PRORP: variants seen among roughly 807,000 people sequenced by gnomAD.
The protein encoded by PRORP is protein only RNase P catalytic subunit.
PRORP carries 51 observed loss-of-function variants against 59.4 expected under a neutral mutation model. That is an observed-to-expected ratio of 0.86 (90% CI 0.69 to 1.08). The LOEUF (loss-of-function observed/expected upper bound fraction) is 1.08, where lower values mean the gene tolerates loss of function less well. Among genes scored for constraint, PRORP ranks in the 50% least tolerant of loss-of-function variants. The probability of loss-of-function intolerance (pLI) is 0.00; values close to 1 mark genes in which losing one functional copy is unlikely to be tolerated. For missense variants in PRORP, 646 were observed against 690.3 expected (o/e 0.94, Z 0.72); for synonymous variants, 231 against 245.6 (o/e 0.94, Z 0.55).
intron 5 of PRORP, among the ~76,000 whole-genome samples, chr14:35,253,352 A>G (rs998645511): frequency 4.7e-5 from 7 of 150,382 alleles, no homozygotes; most frequent in African/African-American, 1.5e-4. Flanking sequence ...AAAGAGAGAG[A>G]GAGAGAAAGA....
chr14:35,154,157 C>T (rs142568716), intron 4 of PRORP, among the ~76,000 whole-genome samples: 7 of 152,232 alleles, frequency 4.6e-5, no homozygotes, highest in African/African-American at 1.7e-4. Context: ...TAGATAAGGT[C>T]AGCTTTTCCT....
chr14:35,155,173 G>A (rs574098902), intron 4 of PRORP, among the ~76,000 whole-genome samples: 3 of 152,118 alleles, frequency 2.0e-5, no homozygotes, highest in Admixed American at 6.5e-5. Context: ...GATTACAGGC[G>A]TGAGCCACCA....
In PRORP at chr14:35,145,741, GA is replaced by G. The variant is rs1367417763; in HGVS notation, c.1167+18132del. ...CTCAAAAAAGAAAGAAAGAAGGAAGGAAGGAAGGAAGGAAGGAAACAGCCCA... is the reference window on the plus strand; with the variant it reads ...CTCAAAAAAGAAAGAAAGAAGGAAGGAGGAAGGAAGGAAGGAAACAGCCCA... On this transcript the variant is annotated intron_variant, in intron 4 of 7. Coordinates refer to ENST00000534898, the MANE Select transcript of PRORP (RefSeq NM_014672.4). Among the ~76,000 whole-genome samples, 2 of 110,986 alleles carry G rather than the reference GA, an allele frequency of 1.8e-5. 1 individual carries two copies. Among genetic ancestry groups the G allele is most frequent in the Non-Finnish European group, 3.8e-5 (2 of 52,116 alleles). 72.8% of individuals were successfully genotyped at this position (110,986 alleles called of 152,430 possible). A position where few individuals can be genotyped will look rare whatever the true frequency, so the allele number is the denominator to read the frequency against.
Position 35,266,831 on chromosome 14 carries a change from G to A in PRORP, c.1380G>A (p.Met460Ile), listed in dbSNP as rs777700979. The A allele has an allele frequency of 2.0e-5, 32 of 1,614,034 alleles. No homozygotes were observed. In the African/African-American group the frequency reaches 2.4e-4, roughly 12 times the overall value. ...GTTCCCAGTGGAGTCGGGATGAGAT[G>A]GAAGAGGTGCAAAAGCAAGCCAGCT... is the stretch of plus-strand genomic sequence containing the variant. Reference protein sequence around the residue: ...RRSSQWSRDEMEEVQKQASCF... With the variant: ...RRSSQWSRDEIEEVQKQASCF... The change falls in exon 6 of 8, where the codon ATG becomes ATA. Residue 460 changes from methionine (M) to isoleucine (I), a missense_variant. By Grantham distance (10) the Met-to-Ile change is conservative (BLOSUM62 1). Transcript: ENST00000534898.
chr14:35,153,564 C>G (rs898472311), intron 4 of PRORP, among the ~76,000 whole-genome samples: 1 of 152,150 alleles, frequency 6.6e-6, no homozygotes, highest in African/African-American at 2.4e-5. Flanking sequence ...AATATGAGTT[C>G]TATTCATTAA....
At chr14:35,206,524 T>G (rs1405731169) in intron 5 of PRORP, among the ~76,000 whole-genome samples, 2 of 152,240 alleles carry the variant, frequency 1.3e-5, no homozygotes, top group Admixed American at 1.3e-4. Flanking sequence ...TACAGCTTTA[T>G]ATTCCCACCA....
intron 5 of PRORP, among the ~76,000 whole-genome samples, chr14:35,193,619 T>C (rs898603246): frequency 6.6e-6 from 1 of 150,968 alleles, no homozygotes; most frequent in Non-Finnish European, 1.5e-5. Context: ...TTTGTGTGTA[T>C]ATAATCCCGG....
chr14:35,198,697 A>C (rs1595290336), intron 5 of PRORP, among the ~76,000 whole-genome samples: 1 of 152,340 alleles, frequency 6.6e-6, no homozygotes, highest in Non-Finnish European at 1.5e-5. Context: ...AGAGGTACTT[A>C]TGTAAGTTCT....
At chr14:35,256,519 A>T (rs2050765495) in intron 5 of PRORP, among the ~76,000 whole-genome samples, 1 of 151,332 alleles carries the variant, frequency 6.6e-6, no homozygotes, top group African/African-American at 2.4e-5. Flanking sequence ...TTTAGTAGAG[A>T]TGGGGCTTCA....
intron 5 of PRORP, among the ~76,000 whole-genome samples, chr14:35,257,582 G>A (rs72664892): frequency 0.015 from 2,325 of 152,066 alleles, 38 homozygotes; most frequent in South Asian, 0.055. Flanking sequence ...ACATTTTATC[G>A]ATCTATTCAT....
At chr14:35,141,426 A>T (rs1386700428) in intron 4 of PRORP, among the ~76,000 whole-genome samples, 2 of 142,956 alleles carry the variant, frequency 1.4e-5, no homozygotes, top group Admixed American at 1.5e-4. Context: ...CATCTGGCTA[A>T]TTTTTTTATT....
intron 6 of PRORP, 97 bp downstream of exon 6, chr14:35,266,972 A>T: frequency 1.8e-6 from 2 of 1,109,658 alleles, no homozygotes; most frequent in Non-Finnish European, 1.3e-6. Context: ...ATGCATGTGT[A>T]TGTGTATACT....
rs536532751 is a variant in PRORP at position 35,174,683 on chromosome 14, G to A, written c.1168-5987G>A. Among the ~76,000 whole-genome samples the A allele has an allele frequency of 2.6e-5, 4 of 151,478 alleles. No individual in the cohort carries two copies. The East Asian group carries it at 7.8e-4, about 29-fold the overall frequency. On this transcript the variant is annotated intron_variant, in intron 4 of 7. Transcript: ENST00000534898. The stretch of plus-strand genomic sequence containing the variant: ...GTACTGGTAGAGTGGCATACCTAAG[G>A]TTCACTCCTCCTTGGCCTACAGAAC...
intron 4 of PRORP, among the ~76,000 whole-genome samples, chr14:35,152,446 T>A (rs2047783528): frequency 6.6e-6 from 1 of 152,224 alleles, no homozygotes; most frequent in South Asian, 2.1e-4. Context: ...AGCTGTTGGG[T>A]ACACCTCCCA....
intron 5 of PRORP, among the ~76,000 whole-genome samples, chr14:35,207,035 T>G (rs1241909073): frequency 3.3e-5 from 5 of 152,212 alleles, no homozygotes. Flanking sequence ...TTTAAGATTA[T>G]TAATATCACA....
intron 5 of PRORP, among the ~76,000 whole-genome samples, chr14:35,194,588 C>T (rs774057003): frequency 2.0e-5 from 3 of 152,094 alleles, no homozygotes; most frequent in South Asian, 2.1e-4. Flanking sequence ...ATGTAGATGA[C>T]GGGTTGGTGG....
intron 5 of PRORP, among the ~76,000 whole-genome samples, chr14:35,218,815 C>T (rs1321746163): frequency 6.6e-6 from 1 of 152,062 alleles, no homozygotes; most frequent in Non-Finnish European, 1.5e-5. Flanking sequence ...CATGAGCCAC[C>T]ACGCCTGGCC....
At chr14:35,170,856 CT>C (rs575257718) in intron 4 of PRORP, among the ~76,000 whole-genome samples, 7 of 146,506 alleles carry the variant, frequency 4.8e-5, no homozygotes, top group Non-Finnish European at 3.0e-5. Context: ...TTTCTTTTTT[CT>C]TTTTTTTTTG....
intron 5 of PRORP, chr14:35,235,349 G>A (rs12147110): frequency 0.64 from 450,995 of 701,282 alleles, 148,521 homozygotes; most frequent in East Asian, 0.76. Flanking sequence ...TTTGTCTTCC[G>A]AGTTAACCTG....
Sources: gnomAD v4.1 joint callset for allele counts (sites outside exome capture counted in the v4.1 genomes callset) on GRCh38, gnomAD v4.1.1 for gene constraint, MANE v1.5 for transcripts, NCBI Gene and HGNC (gene_info 2026-07-23, HGNC 2026-07-21) for gene names.